Variants in ROBO2 observed in about 807,000 individuals in gnomAD.
The protein encoded by ROBO2 is roundabout guidance receptor 2.
Under a neutral mutation model 160.8 loss-of-function variants are expected in ROBO2, and 53 were observed. The observed-to-expected ratio is 0.33, with a 90% CI of 0.26 to 0.41. ROBO2 has a LOEUF of 0.41. Ranked by LOEUF, ROBO2 falls within the 10% of genes least tolerant of loss-of-function variation. The pLI is 1.00. For synonymous variants in ROBO2, 664 were observed against 611.7 expected, an observed-to-expected ratio of 1.09 and a Z score of -1.26; for missense variants, 1,577 against 1,722.4, an observed-to-expected ratio of 0.92 and a Z score of 1.49.
chr3:77,414,555 A>C (rs2077059386), intron 2 of ROBO2, among the ~76,000 whole-genome samples: 1 of 152,166 alleles, frequency 6.6e-6, no homozygotes, highest in Non-Finnish European at 1.5e-5. Context: ...GAGGGGGAAA[A>C]TTGCTGAAGC....
intron 2 of ROBO2, among the ~76,000 whole-genome samples, chr3:77,152,462 A>C (rs1303208697): frequency 1.3e-5 from 2 of 152,228 alleles, no homozygotes; most frequent in African/African-American, 4.8e-5. Context: ...CTAACTAGCC[A>C]GATTTTGGTG....
At chr3:76,112,684 C>G (rs1481282581) in intron 2 of ROBO2, among the ~76,000 whole-genome samples, 2 of 145,586 alleles carry the variant, frequency 1.4e-5, no homozygotes, top group Non-Finnish European at 3.0e-5. Flanking sequence ...AAATTCAAAT[C>G]AGATTATTCT....
chr3:77,058,134 C>G (rs2065942947), intron 1 of ROBO2, among the ~76,000 whole-genome samples: 1 of 151,962 alleles, frequency 6.6e-6, no homozygotes, highest in African/African-American at 2.4e-5. Flanking sequence ...ATTGGGACAA[C>G]AAAGTTCTTC....
chr3:76,657,078 A>G (rs1478798485), intron 2 of ROBO2, among the ~76,000 whole-genome samples: 1 of 148,390 alleles, frequency 6.7e-6, no homozygotes, highest in Admixed American at 6.7e-5. Flanking sequence ...TTTTCCCTAT[A>G]CTTTTCTGCT....
intron 2 of ROBO2, among the ~76,000 whole-genome samples, chr3:76,873,109 A>G (rs942444147): frequency 3.3e-5 from 5 of 152,200 alleles, no homozygotes; most frequent in African/African-American, 4.8e-5. Context: ...CTTCAGAAGA[A>G]TAATGTTAAA....
chr3:77,319,852 A>G (rs1401447387), intron 2 of ROBO2, among the ~76,000 whole-genome samples: 1 of 152,166 alleles, frequency 6.6e-6, no homozygotes, highest in African/African-American at 2.4e-5. Flanking sequence ...AAAGTTGCTT[A>G]TGCTATTGGT....
chr3:76,788,817 T>A (rs1007842109), intron 2 of ROBO2, among the ~76,000 whole-genome samples: 8 of 151,510 alleles, frequency 5.3e-5, no homozygotes, highest in African/African-American at 1.9e-4. Flanking sequence ...CCATAAGTCT[T>A]TTTCCTCTAG....
intron 1 of ROBO2, among the ~76,000 whole-genome samples, chr3:77,076,679 G>C (rs1311572961): frequency 6.6e-6 from 1 of 152,076 alleles, no homozygotes; most frequent in Non-Finnish European, 1.5e-5. Flanking sequence ...ATTTCTAATA[G>C]AAATAATGTA....
At chr3:77,317,182 A>T in intron 2 of ROBO2, 1 of 906,778 alleles carries the variant, frequency 1.1e-6, no homozygotes, top group Non-Finnish European at 1.9e-6. Flanking sequence ...ACCCGGCACT[A>T]GAGCACCCCG....
chr3:76,718,900 TG>T (rs2093423666), intron 2 of ROBO2, among the ~76,000 whole-genome samples: 1 of 152,258 alleles, frequency 6.6e-6, no homozygotes, highest in South Asian at 2.1e-4. Flanking sequence ...TGTGGACATG[TG>T]TCCTTTCAAA....
intron 2 of ROBO2, among the ~76,000 whole-genome samples, chr3:76,135,104 C>A (rs1577001904): frequency 1.3e-5 from 2 of 151,942 alleles, no homozygotes; most frequent in Admixed American, 1.3e-4. Flanking sequence ...TAGGAAGGGG[C>A]AGAGAGCAAG....
intron 2 of ROBO2, among the ~76,000 whole-genome samples, chr3:77,403,642 A>G (rs1388765582): frequency 7.0e-6 from 1 of 142,584 alleles, no homozygotes; most frequent in Non-Finnish European, 1.5e-5. Context: ...CCATTCATTT[A>G]TTAACATTTA....
At chr3:76,440,738 A>G (rs1450913158) in intron 2 of ROBO2, among the ~76,000 whole-genome samples, 1 of 152,062 alleles carries the variant, frequency 6.6e-6, no homozygotes, top group African/African-American at 2.4e-5. Flanking sequence ...TGCCCTAACA[A>G]GGGCCAAGTG....
chr3:77,462,619 C>G (rs747856208), intron 2 of ROBO2, among the ~76,000 whole-genome samples: 1 of 152,152 alleles, frequency 6.6e-6, no homozygotes, highest in Non-Finnish European at 1.5e-5. Flanking sequence ...TGAAAACACT[C>G]CGTCAATATA....
At chr3:77,294,121 A>AGCACTAAAGACATAAAGTAAAAT (rs2061691237) in intron 2 of ROBO2, among the ~76,000 whole-genome samples, 1 of 141,386 alleles carries the variant, frequency 7.1e-6, no homozygotes. Context: ...CTGAGGCTAG[A>AGCACTAAAGACATAAAGTAAAAT]TCACCCCAGA....
At position 76,755,148 on chromosome 3, in the gene ROBO2, A is replaced by G. The variant is rs188122504; in HGVS notation, c.110-342866A>G. On this transcript the variant is annotated intron_variant, in intron 2 of 26. Transcript: ENST00000487694. ...TCTTTTATACTCAGATTATTGATTA[A>G]ATGAATTTTCCTATGTAATAAATTC... Among the ~76,000 whole-genome samples the G allele has an allele frequency of 3.2e-4, 49 of 151,940 alleles. 1 individual carries two copies. The highest frequency in any genetic ancestry group is 8.8e-5 in the Non-Finnish European group (6 of 67,882).
chr3:76,696,083 C>G (rs1380688595), intron 2 of ROBO2, among the ~76,000 whole-genome samples: 1 of 152,034 alleles, frequency 6.6e-6, no homozygotes, highest in East Asian at 1.9e-4. Context: ...GTGTTCTTAG[C>G]CAGTTTCAAA....
intron 2 of ROBO2, among the ~76,000 whole-genome samples, chr3:77,346,899 G>A (rs2067711887): frequency 6.6e-6 from 1 of 152,078 alleles, no homozygotes; most frequent in South Asian, 2.1e-4. Context: ...CTCTTCTTAA[G>A]GGCCCATGTT....
intron 2 of ROBO2, among the ~76,000 whole-genome samples, chr3:76,915,388 C>T (rs1305976636): frequency 1.3e-5 from 2 of 151,940 alleles, no homozygotes; most frequent in South Asian, 2.1e-4. Context: ...TGGCCAGGTG[C>T]GGTGGCTCAC....
Sources: gnomAD v4.1 joint callset for allele counts (sites outside exome capture counted in the v4.1 genomes callset) on GRCh38, gnomAD v4.1.1 for gene constraint, MANE v1.5 for transcripts, NCBI Gene and HGNC (gene_info 2026-07-23, HGNC 2026-07-21) for gene names.